The following RABGAP1L variants were observed in gnomAD, a reference collection of about 807,000 sequenced individuals.
RABGAP1L encodes rab GTPase-activating protein 1-like.
RABGAP1L carries 63 observed loss-of-function variants against 137.7 expected under a neutral mutation model. The ratio of observed to expected loss-of-function variants is 0.46; its 90% CI spans 0.37 to 0.56. The LOEUF is 0.56. RABGAP1L is among the 20% of genes least tolerant of loss of function. The pLI, the probability that RABGAP1L is intolerant of heterozygous loss-of-function variation, is 0.00. For synonymous variants in RABGAP1L, 431 were observed against 433.7 expected (o/e 0.99, Z 0.08); for missense variants, 1,095 against 1,244.0 (o/e 0.88, Z 1.80).
chr1:174,831,628 C>G (rs1692125323), intron 19 of RABGAP1L, among the ~76,000 whole-genome samples: 1 of 148,064 alleles, frequency 6.8e-6, no homozygotes, highest in South Asian at 2.2e-4. Context: ...CATTTTATCC[C>G]AACAGATATA....
At chr1:174,576,822 T>C (rs1668406126) in intron 13 of RABGAP1L, among the ~76,000 whole-genome samples, 2 of 152,174 alleles carry the variant, frequency 1.3e-5, no homozygotes, top group Non-Finnish European at 1.5e-5. Flanking sequence ...CTCATGGATC[T>C]GTAAAGGTTA....
At chr1:174,208,847 T>A (rs1668675783) in intron 1 of RABGAP1L, among the ~76,000 whole-genome samples, 1 of 152,198 alleles carries the variant, frequency 6.6e-6, no homozygotes, top group Non-Finnish European at 1.5e-5. Context: ...CTTCTTTAAA[T>A]GTTTGGTGGA....
chr1:174,446,987 G>A (rs1012561190), intron 13 of RABGAP1L, among the ~76,000 whole-genome samples: 1 of 152,132 alleles, frequency 6.6e-6, no homozygotes, highest in Non-Finnish European at 1.5e-5. Flanking sequence ...ACATATATAT[G>A]TGAGATATGG....
At chr1:174,193,922 C>T (rs929795744) in intron 1 of RABGAP1L, among the ~76,000 whole-genome samples, 2 of 152,188 alleles carry the variant, frequency 1.3e-5, no homozygotes, top group African/African-American at 2.4e-5. Context: ...GTTCTAAGCA[C>T]TTATGGTAAC....
intron 5 of RABGAP1L, among the ~76,000 whole-genome samples, chr1:174,247,993 T>G (rs1465786057): frequency 2.0e-5 from 3 of 152,180 alleles, no homozygotes; most frequent in African/African-American, 7.2e-5. Context: ...ACAGTAGACT[T>G]TATATTTCAT....
intron 17 of RABGAP1L, among the ~76,000 whole-genome samples, chr1:174,730,760 C>T (rs1682396864): frequency 6.6e-6 from 1 of 152,018 alleles, no homozygotes; most frequent in Non-Finnish European, 1.5e-5. Flanking sequence ...GAGGAATCAT[C>T]CAGCTTAGTT....
At chr1:174,591,049 G>T (rs944742061) in intron 13 of RABGAP1L, among the ~76,000 whole-genome samples, 7 of 71,508 alleles carry the variant, frequency 9.8e-5, no homozygotes, top group Non-Finnish European at 1.4e-4. Context: ...CATTCTAACT[G>T]GTGTGAGATG....
chr1:174,491,769 G>A (rs1194812250), intron 13 of RABGAP1L, among the ~76,000 whole-genome samples: 1 of 152,172 alleles, frequency 6.6e-6, no homozygotes, highest in Non-Finnish European at 1.5e-5. Context: ...TGCTCAGATG[G>A]GTGATTCCCA....
chr1:174,781,286 A>G (rs1309116183), intron 18 of RABGAP1L, among the ~76,000 whole-genome samples: 6 of 152,122 alleles, frequency 3.9e-5, no homozygotes, highest in African/African-American at 1.4e-4. Flanking sequence ...ATGATATCTC[A>G]TTGTGGTTTT....
intron 21 of RABGAP1L, among the ~76,000 whole-genome samples, chr1:174,970,932 T>C (rs193032273): frequency 2.0e-5 from 3 of 152,166 alleles, no homozygotes; most frequent in Admixed American, 6.5e-5. Flanking sequence ...AAAAATACTT[T>C]TTTTTTTCTG....
At chr1:174,618,554 A>C (rs898562565) in intron 13 of RABGAP1L, among the ~76,000 whole-genome samples, 12 of 152,336 alleles carry the variant, frequency 7.9e-5, no homozygotes, top group African/African-American at 2.6e-4. Context: ...AACTCCCACA[A>C]ACTCCAATAG....
intron 17 of RABGAP1L, among the ~76,000 whole-genome samples, chr1:174,733,898 GTGA>G (rs1314780300): frequency 6.6e-6 from 1 of 152,198 alleles, no homozygotes; most frequent in East Asian, 1.9e-4. Flanking sequence ...AGATCAGGAG[GTGA>G]TGATGGCTTA....
chr1:174,349,241 A>C (rs1419199436), intron 11 of RABGAP1L, among the ~76,000 whole-genome samples: 4 of 95,298 alleles, frequency 4.2e-5, no homozygotes, highest in Non-Finnish European at 6.6e-5. Flanking sequence ...GACCCCTCCC[A>C]CCTCCCTCCC....
intron 13 of RABGAP1L, among the ~76,000 whole-genome samples, chr1:174,603,685 C>T (rs1042272669): frequency 6.6e-6 from 1 of 152,038 alleles, no homozygotes; most frequent in Non-Finnish European, 1.5e-5. Context: ...GAAGCCAGCA[C>T]AGCACTAGTT....
intron 13 of RABGAP1L, among the ~76,000 whole-genome samples, chr1:174,568,709 GTGTTTGTGTAAGTGTGTGTACA>G (rs1667750281): frequency 6.6e-6 from 1 of 152,182 alleles, no homozygotes; most frequent in Admixed American, 6.5e-5. Context: ...GTGTATTTGT[GTGTTTGTGTAAGTGTGTGTACA>G]TGTTTGTGTA....
intron 11 of RABGAP1L, among the ~76,000 whole-genome samples, chr1:174,338,794 A>T (rs917971280): frequency 6.6e-6 from 1 of 152,110 alleles, no homozygotes. Flanking sequence ...AGCAAATAAA[A>T]TATGAATTGG....
At chr1:174,403,208 A>T (rs1044512841) in intron 13 of RABGAP1L, among the ~76,000 whole-genome samples, 23 of 126,728 alleles carry the variant, frequency 1.8e-4, no homozygotes, top group South Asian at 5.3e-4. Context: ...TATATATGAG[A>T]GTGTGTGTGT....
Position 174,683,511 on chromosome 1 carries a change from C to T in RABGAP1L, c.1825-11C>T. ...ATTTACGATATTTCTTTCTTTTCAT[C>T]TTTTCTCTAGGCCTACTCTGTGTAT... On this transcript the variant is annotated splice_polypyrimidine_tract_variant and intron_variant, in intron 14 of 25. Coordinates refer to ENST00000681986, the MANE Select transcript of RABGAP1L (RefSeq NM_001366446.1). 6.3e-7 allele frequency: 1 copy of T among 1,579,244 alleles called. No individual in the cohort carries two copies. Among genetic ancestry groups the T allele is most frequent in the Non-Finnish European group, 8.7e-7 (1 of 1,152,240 alleles).
At chr1:174,891,044 G>T (rs1346404333) in intron 19 of RABGAP1L, among the ~76,000 whole-genome samples, 1 of 152,160 alleles carries the variant, frequency 6.6e-6, no homozygotes, top group Non-Finnish European at 1.5e-5. Context: ...AATTTTGATA[G>T]ATAAGGCCAA....
Sources: gnomAD v4.1 joint callset for allele counts (sites outside exome capture counted in the v4.1 genomes callset) on GRCh38, gnomAD v4.1.1 for gene constraint, MANE v1.5 for transcripts, NCBI Gene and HGNC (gene_info 2026-07-23, HGNC 2026-07-21) for gene names.